The following ANTXR1 variants were observed in gnomAD, a reference collection of about 807,000 sequenced individuals.
ANTXR1 encodes the protein ANTXR cell adhesion molecule 1, also known as anthrax toxin receptor 1.
In ANTXR1, 19 loss-of-function variants were observed where a neutral mutation model predicts 78.1. The observed-to-expected ratio is 0.24, with a 90% confidence interval of 0.17 to 0.36. The LOEUF is 0.36. Ranked by LOEUF, ANTXR1 falls within the 10% of genes least tolerant of loss-of-function variation. The probability of loss-of-function intolerance (pLI) is 1.00; values close to 1 mark genes in which losing one functional copy is unlikely to be tolerated. For missense variants in ANTXR1, 518 were observed against 718.6 expected (o/e 0.72, Z 3.19); for synonymous variants, 273 against 260.5 (o/e 1.05, Z -0.46).
At chr2:69,045,566 A>T (rs1383337635) in intron 3 of ANTXR1, among the ~76,000 whole-genome samples, 1 of 152,110 alleles carries the variant, frequency 6.6e-6, no homozygotes, top group African/African-American at 2.4e-5. Context: ...TCATATATGG[A>T]TGTGTTGGAA....
chr2:69,050,196 A>G (rs189700337), intron 3 of ANTXR1, among the ~76,000 whole-genome samples: 1 of 152,088 alleles, frequency 6.6e-6, no homozygotes, highest in East Asian at 1.9e-4. Flanking sequence ...TACTCAGGAG[A>G]ATGAGGTGAC....
intron 1 of ANTXR1, among the ~76,000 whole-genome samples, chr2:69,017,396 G>A (rs1671055627): frequency 6.6e-6 from 1 of 152,154 alleles, no homozygotes; most frequent in Non-Finnish European, 1.5e-5. Context: ...GATCATAGGG[G>A]ACTGAATCCA....
intron 17 of ANTXR1, among the ~76,000 whole-genome samples, chr2:69,240,241 C>G (rs1411521922): frequency 6.6e-6 from 1 of 152,234 alleles, no homozygotes; most frequent in Non-Finnish European, 1.5e-5. Flanking sequence ...ATGTTGGGCT[C>G]TTTAGAGCAA....
intron 8 of ANTXR1, among the ~76,000 whole-genome samples, chr2:69,080,243 A>T (rs1430017854): frequency 6.6e-6 from 1 of 152,194 alleles, no homozygotes; most frequent in East Asian, 1.9e-4. Flanking sequence ...GACAGAAATA[A>T]TTACGGCCTA....
In ANTXR1 at chr2:69,117,290, T is replaced by A. The variant is rs955322308; in HGVS notation, c.803-5727T>A. 3.3e-5 allele frequency among the ~76,000 whole-genome samples: 5 copies of A among 152,156 alleles called. No homozygotes were observed. The East Asian group carries it at 9.6e-4, about 29-fold the overall frequency. ...CTGGGCAAGCTATTTCAACAAAACT[T>A]GGGTTTGAATTCCGGCTCTGACACT... is the stretch of plus-strand genomic sequence containing the variant. On this transcript the variant is annotated intron_variant, in intron 10 of 17. Coordinates refer to ENST00000303714, the MANE Select transcript of ANTXR1 (RefSeq NM_032208.3).
At chr2:69,161,395 G>A (rs964013133) in intron 13 of ANTXR1, among the ~76,000 whole-genome samples, 4 of 152,130 alleles carry the variant, frequency 2.6e-5, no homozygotes, top group Admixed American at 6.5e-5. Flanking sequence ...TTCCAAATTG[G>A]AGGGAAAAAA....
At chr2:69,189,706 T>A (rs991003101) in intron 16 of ANTXR1, among the ~76,000 whole-genome samples, 1 of 152,116 alleles carries the variant, frequency 6.6e-6, no homozygotes, top group African/African-American at 2.4e-5. Context: ...CGAGACACGG[T>A]TGATGTTGGA....
At chr2:69,189,606 G>C (rs1027075167) in intron 16 of ANTXR1, among the ~76,000 whole-genome samples, 1 of 152,258 alleles carries the variant, frequency 6.6e-6, no homozygotes, top group Non-Finnish European at 1.5e-5. Context: ...CAGATGATGA[G>C]GGCCTGGGCC....
intron 17 of ANTXR1, among the ~76,000 whole-genome samples, chr2:69,198,107 C>A (rs1044497505): frequency 3.3e-5 from 5 of 152,168 alleles, no homozygotes; most frequent in Non-Finnish European, 7.4e-5. Context: ...TGTGCACATT[C>A]ACAAATGTTT....
chr2:69,109,246 A>G (rs1349484355), intron 10 of ANTXR1, among the ~76,000 whole-genome samples: 1 of 152,218 alleles, frequency 6.6e-6, no homozygotes, highest in East Asian at 1.9e-4. Context: ...GTACTACCAT[A>G]TCATCGTCAC....
intron 8 of ANTXR1, among the ~76,000 whole-genome samples, chr2:69,089,780 G>C (rs895788885): frequency 2.9e-4 from 44 of 152,154 alleles, no homozygotes; most frequent in Non-Finnish European, 1.3e-4. Context: ...TTCAAGAATA[G>C]AGAAAGGGTT....
intron 17 of ANTXR1, among the ~76,000 whole-genome samples, chr2:69,211,069 G>A (rs1208523876): frequency 6.6e-6 from 1 of 152,138 alleles, no homozygotes; most frequent in African/African-American, 2.4e-5. Context: ...GTCCGAAAAG[G>A]CTACAGAGAG....
chr2:69,237,028 A>G (rs1031595895), intron 17 of ANTXR1, among the ~76,000 whole-genome samples: 1 of 152,216 alleles, frequency 6.6e-6, no homozygotes, highest in African/African-American at 2.4e-5. Context: ...AATCAGATGG[A>G]AAAAGGGGAT....
At position 69,230,107 on chromosome 2, in the gene ANTXR1, T is replaced by TGATCACTTTTA. The variant is rs879484872; in HGVS notation, c.1435-15117_1435-15116insATCACTTTTAG. 2.8e-3 allele frequency among the ~76,000 whole-genome samples: 430 copies of TGATCACTTTTA among 152,278 alleles called. 8 individuals are homozygous for TGATCACTTTTA. In the East Asian group the frequency reaches 0.036, roughly 13 times the overall value. On this transcript the variant is annotated intron_variant, in intron 17 of 17. Coordinates refer to ENST00000303714, the MANE Select transcript of ANTXR1 (RefSeq NM_032208.3). ...GGTTTGAATTCTCAGAGCCAGTCCC[T>TGATCACTTTTA]GTTTAGTGACAGCACTTTGGCCACC...
chr2:69,152,354 T>G lies in ANTXR1; in HGVS notation c.1047+90T>G, dbSNP rs563312023. 4.3e-5 allele frequency: 56 copies of G among 1,307,502 alleles called. No individual in the cohort carries two copies. The South Asian group carries it at 6.4e-4, about 15-fold the overall frequency. The allele number at this position is 1,307,502 out of a possible 1,614,324, so 81.0% of individuals were successfully genotyped here. On this transcript the variant is annotated intron_variant, in intron 13 of 17. Coordinates refer to ENST00000303714, the MANE Select transcript of ANTXR1 (RefSeq NM_032208.3). ...AGAGAGAAAGGGATTTTTAAAAAACTAAAGATGGGAGACAAATCTTGCATT... is the reference window on the plus strand; with the variant it reads ...AGAGAGAAAGGGATTTTTAAAAAACGAAAGATGGGAGACAAATCTTGCATT...
intron 10 of ANTXR1, among the ~76,000 whole-genome samples, chr2:69,111,406 A>G (rs1671973216): frequency 6.6e-6 from 1 of 152,252 alleles, no homozygotes; most frequent in South Asian, 2.1e-4. Flanking sequence ...TGTTTTACTA[A>G]TGCAATAATG....
intron 12 of ANTXR1, among the ~76,000 whole-genome samples, chr2:69,140,240 A>C (rs1413978683): frequency 1.3e-5 from 2 of 152,208 alleles, no homozygotes; most frequent in Non-Finnish European, 2.9e-5. Context: ...CCTTAACTGC[A>C]TATTAATGAT....
rs532899362 is a variant in ANTXR1, at chr2:69,178,695, T to A, written c.1090-3091T>A. Among the ~76,000 whole-genome samples, 29 of 152,308 alleles carry A rather than the reference T, an allele frequency of 1.9e-4. 1 individual carries two copies. The highest frequency in any genetic ancestry group is 6.5e-4 in the Admixed American group (10 of 15,302). The stretch of plus-strand genomic sequence containing the variant: ...CCTGAGCACTCAGCGGGGTTGCGAA[T>A]TAGAGAAAGCCAGTTGTAAATCCTT... On this transcript the variant is annotated intron_variant, in intron 14 of 17. Coordinates refer to ENST00000303714, the MANE Select transcript of ANTXR1 (RefSeq NM_032208.3).
chr2:69,131,482 T>A (rs1254643134), intron 12 of ANTXR1, among the ~76,000 whole-genome samples: 1 of 152,196 alleles, frequency 6.6e-6, no homozygotes, highest in Non-Finnish European at 1.5e-5. Context: ...TAGAGGTAGT[T>A]TATAGCTTTG....
Sources: allele counts gnomAD v4.1 joint callset (sites outside exome capture counted in the v4.1 genomes callset), GRCh38; gene constraint gnomAD v4.1.1; transcripts MANE v1.5; gene names NCBI Gene and HGNC (gene_info 2026-07-23, HGNC 2026-07-21).